PIP5K1B: variants seen among roughly 807,000 people sequenced by gnomAD.
PIP5K1B encodes the protein phosphatidylinositol 4-phosphate 5-kinase type-1 beta.
In PIP5K1B, 42 loss-of-function variants were observed where a neutral mutation model predicts 67.0. The observed-to-expected ratio is 0.63, with a 90% CI of 0.49 to 0.81. The LOEUF (loss-of-function observed/expected upper bound fraction) is 0.81, where lower values mean the gene tolerates loss of function less well. Among genes scored for constraint, PIP5K1B ranks in the 30% least tolerant of loss-of-function variants. The pLI, the probability that PIP5K1B is intolerant of heterozygous loss-of-function variation, is 0.00. For missense variants in PIP5K1B, 459 were observed against 646.3 expected, an observed-to-expected ratio of 0.71 and a Z score of 3.14; for synonymous variants, 214 against 231.4, an observed-to-expected ratio of 0.92 and a Z score of 0.68.
At chr9:68,946,079 A>G (rs1827790271) in intron 14 of PIP5K1B, among the ~76,000 whole-genome samples, 8 of 152,244 alleles carry the variant, frequency 5.3e-5, no homozygotes. Context: ...TCGAGAAAAG[A>G]CTTTTATTAG....
intron 15 of PIP5K1B, among the ~76,000 whole-genome samples, chr9:69,008,012 C>A (rs1031692532): frequency 2.6e-5 from 4 of 152,142 alleles, no homozygotes; most frequent in Admixed American, 6.5e-5. Context: ...AAATAGCTAC[C>A]ATTTGCTGAA....
At chr9:68,965,118 A>G (rs1198363780) in intron 14 of PIP5K1B, among the ~76,000 whole-genome samples, 1 of 152,194 alleles carries the variant, frequency 6.6e-6, no homozygotes, top group African/African-American at 2.4e-5. Context: ...TCTGCTGTTG[A>G]CCAGCTACAC....
intron 1 of PIP5K1B, among the ~76,000 whole-genome samples, chr9:68,724,237 G>T (rs1411497811): frequency 3.4e-5 from 5 of 145,630 alleles, no homozygotes; most frequent in South Asian, 2.1e-4. Flanking sequence ...TTTTTTTTGG[G>T]TTTTTTTTTT....
chr9:68,858,191 C>G (rs1217135123), intron 4 of PIP5K1B, among the ~76,000 whole-genome samples: 1 of 152,094 alleles, frequency 6.6e-6, no homozygotes, highest in Non-Finnish European at 1.5e-5. Flanking sequence ...CCAGGCTGGT[C>G]TTGAACTCCT....
chr9:68,928,831 T>G (rs886561466), intron 12 of PIP5K1B, among the ~76,000 whole-genome samples: 1 of 152,168 alleles, frequency 6.6e-6, no homozygotes, highest in Non-Finnish European at 1.5e-5. Flanking sequence ...TTAGGTCCTA[T>G]GCTATAGGTT....
At chr9:68,817,725 T>TC (rs1489756773) in intron 2 of PIP5K1B, among the ~76,000 whole-genome samples, 3 of 149,010 alleles carry the variant, frequency 2.0e-5, no homozygotes. Flanking sequence ...TTTTTTTTTT[T>TC]TTTTTTTTTT....
intron 4 of PIP5K1B, among the ~76,000 whole-genome samples, chr9:68,846,636 T>C (rs780985290): frequency 1.1e-4 from 16 of 152,252 alleles, no homozygotes; most frequent in South Asian, 2.1e-4. Flanking sequence ...AAAGTGTTTT[T>C]GTTCTATGTA....
At chr9:68,821,499 A>G (rs1329463351) in intron 3 of PIP5K1B, among the ~76,000 whole-genome samples, 1 of 152,030 alleles carries the variant, frequency 6.6e-6, no homozygotes, top group East Asian at 1.9e-4. Flanking sequence ...AGTAATTTTC[A>G]CAGATGCAAA....
rs1170726088 is a variant in PIP5K1B at position 68,875,546 on chromosome 9, A to G, written c.201-1131A>G. ...AACAAATACTTATTGAGTGTCTGCT[A>G]TGTGCCAGGCATTGATGCAAGAATC... On this transcript the variant is annotated intron_variant, in intron 5 of 15. Transcript: ENST00000265382. Among the ~76,000 whole-genome samples, 3 of 152,114 alleles carry G rather than the reference A, an allele frequency of 2.0e-5. No individual in the cohort carries two copies. The East Asian group carries it at 5.8e-4, about 29-fold the overall frequency.
intron 6 of PIP5K1B, among the ~76,000 whole-genome samples, chr9:68,877,261 CTTTT>C (rs1823944247): frequency 6.6e-6 from 1 of 152,158 alleles, no homozygotes; most frequent in South Asian, 2.1e-4. Context: ...TTCAGGCAGA[CTTTT>C]TAAACATATT....
chr9:68,866,612 C>T (rs537694654), intron 5 of PIP5K1B, among the ~76,000 whole-genome samples: 50 of 152,316 alleles, frequency 3.3e-4, no homozygotes, highest in African/African-American at 1.2e-3. Context: ...CGATAGAGAA[C>T]TGTGCATACA....
chr9:69,007,775 T>G (rs1214276325), intron 15 of PIP5K1B, among the ~76,000 whole-genome samples: 1 of 151,854 alleles, frequency 6.6e-6, no homozygotes. Context: ...GAGAATCTCA[T>G]GTACGTGGGA....
At chr9:68,764,204 T>C (rs1315618094) in intron 2 of PIP5K1B, among the ~76,000 whole-genome samples, 1 of 151,348 alleles carries the variant, frequency 6.6e-6, no homozygotes, top group South Asian at 2.1e-4. Context: ...TATTTTGGGG[T>C]TTACTTTTAT....
chr9:69,000,959 G>A (rs536946194), intron 15 of PIP5K1B, among the ~76,000 whole-genome samples: 14 of 151,278 alleles, frequency 9.3e-5, no homozygotes, highest in Admixed American at 3.3e-4. Context: ...GTGCAGTGGC[G>A]CAATCCTGGC....
chr9:68,843,903 A>G (rs914806704), intron 4 of PIP5K1B, among the ~76,000 whole-genome samples: 41 of 152,250 alleles, frequency 2.7e-4, no homozygotes, highest in East Asian at 1.9e-4. Flanking sequence ...GGCCCTGCCA[A>G]CATGGGCCTG....
At chr9:68,988,157 A>G (rs73443576) in intron 14 of PIP5K1B, among the ~76,000 whole-genome samples, 27,571 of 152,138 alleles carry the variant, frequency 0.18, 2,987 homozygotes, top group African/African-American at 0.3. Flanking sequence ...GGGTATTTAT[A>G]AATAAATAAT....
intron 14 of PIP5K1B, among the ~76,000 whole-genome samples, chr9:68,981,220 T>A (rs1367745857): frequency 1.3e-5 from 2 of 152,168 alleles, no homozygotes; most frequent in African/African-American, 2.4e-5. Context: ...AGTTAAAGGA[T>A]ACGGTGTGTG....
At chr9:68,889,734 C>CA (rs11349016) in intron 7 of PIP5K1B, among the ~76,000 whole-genome samples, 1,462 of 79,186 alleles carry the variant, frequency 0.018, 21 homozygotes, top group East Asian at 0.033. Context: ...GACTCCTTCT[C>CA]AAAAAAAAAA....
At chr9:68,785,173 G>C (rs1414285515) in intron 2 of PIP5K1B, among the ~76,000 whole-genome samples, 1 of 152,204 alleles carries the variant, frequency 6.6e-6, no homozygotes, top group Non-Finnish European at 1.5e-5. Flanking sequence ...GTAAAGCCCA[G>C]TGTGTGAAGT....
Sources: allele counts gnomAD v4.1 joint callset (sites outside exome capture counted in the v4.1 genomes callset), GRCh38; gene constraint gnomAD v4.1.1; transcripts MANE v1.5; gene names NCBI Gene and HGNC (gene_info 2026-07-23, HGNC 2026-07-21).